Variants in LTBP1 observed in about 807,000 individuals in gnomAD.
LTBP1 encodes the protein latent-transforming growth factor beta-binding protein 1.
In LTBP1, 129 loss-of-function variants were observed where a neutral mutation model predicts 207.6. The observed-to-expected ratio is 0.62, with a 90% confidence interval of 0.54 to 0.72. LTBP1 has a LOEUF of 0.72. LTBP1 is among the 30% of genes least tolerant of loss of function. The probability of loss-of-function intolerance (pLI) is 0.00; values close to 1 mark genes in which losing one functional copy is unlikely to be tolerated. For synonymous variants in LTBP1, 963 were observed against 833.7 expected (o/e 1.16, Z -2.67); for missense variants, 2,281 against 2,217.2 (o/e 1.03, Z -0.58).
intron 19 of LTBP1, chr2:33,291,584 GA>G (rs543646428): frequency 6.6e-6 from 1 of 152,212 alleles, no homozygotes; most frequent in Non-Finnish European, 1.5e-5. Flanking sequence ...GGTGGTTAAT[GA>G]GTCAGTCTGG....
chr2:33,387,064 G>A (rs769157868), intron 31 of LTBP1, among the ~76,000 whole-genome samples: 5 of 151,982 alleles, frequency 3.3e-5, no homozygotes, highest in African/African-American at 7.2e-5. Flanking sequence ...TCTTGATCTC[G>A]TGATCCACCC....
Position 33,365,321 on chromosome 2 carries a change from C to A in LTBP1, c.4541-12C>A. 6.2e-7 allele frequency: 1 copy of A among 1,613,352 alleles called. No individual in the cohort carries two copies. The highest frequency in any genetic ancestry group is 8.5e-7 in the Non-Finnish European group (1 of 1,179,392). ...CTGTGCGATTTTCATGGAACTATGTCTTCCCTTTCAGAACAAATAGAAGAA... is the reference window on the plus strand; with the variant it reads ...CTGTGCGATTTTCATGGAACTATGTATTCCCTTTCAGAACAAATAGAAGAA... On this transcript the variant is annotated splice_polypyrimidine_tract_variant and intron_variant, in intron 30 of 33. Transcript: ENST00000404816.
At chr2:33,169,340 TC>T (rs1454898593) in intron 5 of LTBP1, among the ~76,000 whole-genome samples, 1 of 152,152 alleles carries the variant, frequency 6.6e-6, no homozygotes, top group Non-Finnish European at 1.5e-5. Context: ...TATGTCTCTC[TC>T]CCCCTCTGAA....
chr2:33,117,664 C>T (rs1032152614), intron 4 of LTBP1, among the ~76,000 whole-genome samples: 9 of 152,194 alleles, frequency 5.9e-5, no homozygotes, highest in African/African-American at 2.2e-4. Flanking sequence ...CTTAAAGGCT[C>T]TGGATGCCTA....
intron 23 of LTBP1, among the ~76,000 whole-genome samples, chr2:33,314,705 G>A (rs1393709201): frequency 6.6e-6 from 1 of 152,158 alleles, no homozygotes; most frequent in Non-Finnish European, 1.5e-5. Flanking sequence ...GTCTAGCCTT[G>A]CCCTTAAGAA....
chr2:32,994,977 G>A (rs184247671), intron 2 of LTBP1, among the ~76,000 whole-genome samples: 5 of 152,198 alleles, frequency 3.3e-5, no homozygotes, highest in African/African-American at 1.2e-4. Context: ...ATTGCTTGAG[G>A]TCAGAAGTTC....
intron 5 of LTBP1, among the ~76,000 whole-genome samples, chr2:33,166,133 A>C (rs2084899148): frequency 6.6e-6 from 1 of 151,650 alleles, no homozygotes; most frequent in Admixed American, 6.6e-5. Flanking sequence ...GTTGAGATCA[A>C]TTTGGTAAAT....
chr2:33,004,403 C>A (rs1358669963), intron 2 of LTBP1, among the ~76,000 whole-genome samples: 1 of 151,926 alleles, frequency 6.6e-6, no homozygotes, highest in Non-Finnish European at 1.5e-5. Context: ...ATGGGCATGG[C>A]GATTTTTTTT....
chr2:33,071,435 G>A (rs2077781338), intron 3 of LTBP1, among the ~76,000 whole-genome samples: 1 of 152,170 alleles, frequency 6.6e-6, no homozygotes, highest in South Asian at 2.1e-4. Flanking sequence ...ATACTCTAGG[G>A]GAGAGGATTC....
intron 13 of LTBP1, 92 bp downstream of exon 13, chr2:33,259,702 G>GATGTTACTATATT: frequency 8.3e-7 from 1 of 1,205,340 alleles, no homozygotes; most frequent in Non-Finnish European, 1.2e-6. Flanking sequence ...CTTAAATATA[G>GATGTTACTATATT]TAACATCTCT....
chr2:32,978,435 GT>G (rs962471519), intron 2 of LTBP1, among the ~76,000 whole-genome samples: 5 of 151,934 alleles, frequency 3.3e-5, no homozygotes, highest in Non-Finnish European at 5.9e-5. Context: ...TTTATCAAAT[GT>G]TTTTTCAGCA....
intron 2 of LTBP1, among the ~76,000 whole-genome samples, chr2:33,003,411 G>C (rs1318474529): frequency 1.3e-5 from 2 of 152,186 alleles, no homozygotes; most frequent in African/African-American, 4.8e-5. Flanking sequence ...TAAATAACTT[G>C]CTAAAGGTCA....
At chr2:33,232,175 A>G (rs956753329) in intron 9 of LTBP1, among the ~76,000 whole-genome samples, 1 of 152,130 alleles carries the variant, frequency 6.6e-6, no homozygotes, top group African/African-American at 2.4e-5. Flanking sequence ...GTGACCAGAC[A>G]TTACCTAGGG....
intron 7 of LTBP1, among the ~76,000 whole-genome samples, chr2:33,191,606 G>A (rs1303452348): frequency 2.6e-5 from 4 of 152,176 alleles, no homozygotes; most frequent in African/African-American, 7.2e-5. Flanking sequence ...GTGTGTAGGT[G>A]TATCCTACTA....
At chr2:33,335,475 T>G (rs1573897856) in intron 24 of LTBP1, among the ~76,000 whole-genome samples, 1 of 152,350 alleles carries the variant, frequency 6.6e-6, no homozygotes, top group East Asian at 1.9e-4. Context: ...TTCCCCAGCC[T>G]TGTCGATGTT....
chr2:33,018,934 C>T (rs576145465), intron 2 of LTBP1, among the ~76,000 whole-genome samples: 1 of 152,126 alleles, frequency 6.6e-6, no homozygotes, highest in East Asian at 1.9e-4. Flanking sequence ...TATTCTGACA[C>T]CCAAGGGCCA....
In LTBP1 at chr2:33,243,380, C is replaced by A. The variant is rs564509420; in HGVS notation, c.1877-282C>A. Among the ~76,000 whole-genome samples the A allele has an allele frequency of 4.6e-5, 7 of 152,296 alleles. No homozygotes were observed. The East Asian group carries it at 1.2e-3, about 25-fold the overall frequency. On this transcript the variant is annotated intron_variant, in intron 9 of 33. Coordinates refer to ENST00000404816, the MANE Select transcript of LTBP1 (RefSeq NM_206943.4). The stretch of plus-strand genomic sequence containing the variant: ...CTCCATAATGCCTAACATAAACTAA[C>A]ACTAAAGCAAAAGCTCTGTGAAGGC...
At chr2:32,983,655 G>A (rs141387851) in intron 2 of LTBP1, among the ~76,000 whole-genome samples, 2 of 152,196 alleles carry the variant, frequency 1.3e-5, no homozygotes, top group African/African-American at 4.8e-5. Flanking sequence ...TGCTGTTCTC[G>A]TGATAGTGAA....
chr2:33,147,372 T>C (rs777212952), intron 5 of LTBP1, among the ~76,000 whole-genome samples: 6 of 152,212 alleles, frequency 3.9e-5, no homozygotes, highest in Non-Finnish European at 5.9e-5. Context: ...ATCAGAATTC[T>C]GGGTAGAGCC....
Sources: gnomAD v4.1 joint callset for allele counts (sites outside exome capture counted in the v4.1 genomes callset) on GRCh38, gnomAD v4.1.1 for gene constraint, MANE v1.5 for transcripts, NCBI Gene and HGNC (gene_info 2026-07-23, HGNC 2026-07-21) for gene names.